PPP6R3: variants seen among roughly 807,000 people sequenced by gnomAD.
PPP6R3 encodes serine/threonine-protein phosphatase 6 regulatory subunit 3.
A neutral mutation model predicts 110.7 loss-of-function variants in PPP6R3; 38 were observed. The observed-to-expected ratio is 0.34, with a 90% CI of 0.26 to 0.45. PPP6R3 has a LOEUF of 0.45. Among genes scored for constraint, PPP6R3 ranks in the 20% least tolerant of loss-of-function variants. PPP6R3 has a pLI of 1.00. For synonymous variants in PPP6R3, 369 were observed against 373.5 expected, an observed-to-expected ratio of 0.99 and a Z score of 0.14; for missense variants, 870 against 1,062.4, an observed-to-expected ratio of 0.82 and a Z score of 2.52.
In PPP6R3 at chr11:68,516,815, A is replaced by G. The variant is rs565593636; in HGVS notation, c.-157-2686A>G. 3.3e-5 allele frequency among the ~76,000 whole-genome samples: 5 copies of G among 152,140 alleles called. No individual in the cohort carries two copies. In the South Asian group the frequency reaches 6.2e-4, roughly 19 times the overall value. ...GCTGTACCATTTTGCATTCCCACCA[A>G]TAGTGCGCAAGAGTTCCAGTTTCTC... On this transcript the variant is annotated intron_variant, in intron 1 of 23. Transcript: ENST00000393800.
rs141292498 is a variant in PPP6R3, at chr11:68,569,761, A to G, written c.1142A>G (p.Lys381Arg). The part of the protein sequence containing the change: ...SIGVILNMFF[K>R]YTWNNFLHTQ... Reference sequence around the variant, plus strand: ...TCTTTTTTGTAGAACATGTTCTTCAAGTATACATGGAATAACTTTTTGCAT... The same window carrying G: ...TCTTTTTTGTAGAACATGTTCTTCAGGTATACATGGAATAACTTTTTGCAT... Residue 381 changes from lysine (K) to arginine (R), a missense_variant, in exon 11 of 24, where the codon AAG becomes AGG. Physicochemically the swap from Lys to Arg is conservative, Grantham distance 26. Coordinates refer to ENST00000393800, the MANE Select transcript of PPP6R3 (RefSeq NM_001164161.2). The G allele has an allele frequency of 5.0e-6, 8 of 1,590,868 alleles. No individual in the cohort carries two copies. The highest frequency in any genetic ancestry group is 2.3e-5 in the East Asian group (1 of 44,348).
chr11:68,594,321 A>AG (rs2099605793), intron 18 of PPP6R3, among the ~76,000 whole-genome samples: 2 of 138,984 alleles, frequency 1.4e-5, no homozygotes, highest in African/African-American at 5.7e-5. Context: ...AGAGAGAGAA[A>AG]AAGAGAGAGA....
At chr11:68,583,196 A>C in intron 15 of PPP6R3, 67 bp downstream of exon 15, 2 of 1,212,890 alleles carry the variant, frequency 1.6e-6, no homozygotes, top group Non-Finnish European at 2.3e-6. Flanking sequence ...GCCTTTTATG[A>C]ATCAGCTTCA....
chr11:68,494,102 CAA>C (rs11369178), intron 1 of PPP6R3, among the ~76,000 whole-genome samples: 2 of 118,356 alleles, frequency 1.7e-5, no homozygotes, highest in Non-Finnish European at 1.7e-5. Context: ...GACTCCATCT[CAA>C]AAAAAAAAAA....
intron 12 of PPP6R3, 92 bp downstream of exon 12, chr11:68,571,196 T>C (rs1366557293): frequency 6.9e-7 from 1 of 1,448,292 alleles, no homozygotes; most frequent in Non-Finnish European, 9.2e-7. Context: ...AAAATGGAAA[T>C]AATTACATGA....
intron 14 of PPP6R3, 55 bp from the exon 15 acceptor site, chr11:68,582,988 C>G (rs971325150): frequency 2.5e-6 from 3 of 1,199,502 alleles, no homozygotes; most frequent in African/African-American, 3.2e-5. Flanking sequence ...AATGCTGATA[C>G]AAATGTCCAA....
At chr11:68,543,312 A>G (rs2099329107) in intron 3 of PPP6R3, among the ~76,000 whole-genome samples, 1 of 152,028 alleles carries the variant, frequency 6.6e-6, no homozygotes, top group South Asian at 2.1e-4. Context: ...GGTACTTTAC[A>G]GGGGTTTATA....
chr11:68,612,735 T>G (rs1944213718), intron 23 of PPP6R3, among the ~76,000 whole-genome samples: 1 of 152,166 alleles, frequency 6.6e-6, no homozygotes, highest in Non-Finnish European at 1.5e-5. Context: ...ACATAGCTCC[T>G]GAAGGCTCTG....
rs757900531 is a variant in PPP6R3 at position 68,601,875 on chromosome 11, T to C, written c.2205T>C (p.Ser735=). The C allele has an allele frequency of 7.4e-6, 12 of 1,613,104 alleles. No individual in the cohort carries two copies. In the East Asian group the frequency reaches 1.1e-4, roughly 15 times the overall value. Residue 735 remains serine (S), a synonymous_variant, in exon 21 of 24, where the codon TCT becomes TCC. Transcript: ENST00000393800. ...TCTTTTTTGAAAGCACAAAAGATTCTTTAAGGAGTAATTCTCCAGTGGAAA... is the reference window on the plus strand; with the variant it reads ...TCTTTTTTGAAAGCACAAAAGATTCCTTAAGGAGTAATTCTCCAGTGGAAA... The part of the protein sequence containing the change: ...EFTSSLSTKD[S]LRSNSPVEME...
intron 8 of PPP6R3, among the ~76,000 whole-genome samples, chr11:68,562,380 G>A (rs1593186259): frequency 6.6e-6 from 1 of 152,196 alleles, no homozygotes; most frequent in Non-Finnish European, 1.5e-5. Context: ...AAATGGACCT[G>A]CAGATTCAAT....
intron 3 of PPP6R3, among the ~76,000 whole-genome samples, chr11:68,541,659 G>A (rs894488962): frequency 1.3e-5 from 2 of 152,164 alleles, no homozygotes; most frequent in Non-Finnish European, 2.9e-5. Flanking sequence ...CCACAAGGCT[G>A]AATGAGATCG....
intron 12 of PPP6R3, among the ~76,000 whole-genome samples, chr11:68,572,441 T>G (rs2099511074): frequency 6.6e-6 from 1 of 152,202 alleles, no homozygotes; most frequent in Admixed American, 6.5e-5. Context: ...GGGCCTTTGT[T>G]TTCTTTCACT....
At chr11:68,542,876 G>T (rs923330948) in intron 3 of PPP6R3, among the ~76,000 whole-genome samples, 5 of 152,130 alleles carry the variant, frequency 3.3e-5, no homozygotes, top group Admixed American at 1.3e-4. Flanking sequence ...GACTTTCTCT[G>T]TCAGAGTTTG....
chr11:68,540,249 G>A (rs983555216), intron 3 of PPP6R3, among the ~76,000 whole-genome samples: 3 of 152,122 alleles, frequency 2.0e-5, no homozygotes, highest in Non-Finnish European at 4.4e-5. Flanking sequence ...AGCGTCAGTC[G>A]GCTTGAGAAA....
intron 1 of PPP6R3, among the ~76,000 whole-genome samples, chr11:68,465,455 G>A (rs997496928): frequency 6.6e-6 from 1 of 152,184 alleles, no homozygotes; most frequent in Non-Finnish European, 1.5e-5. Flanking sequence ...CTAGTTTATG[G>A]AATGGAAGAA....
intron 1 of PPP6R3, 125 bp downstream of exon 1, chr11:68,460,952 C>T (rs1565157100): frequency 6.6e-6 from 1 of 151,806 alleles, no homozygotes; most frequent in Non-Finnish European, 1.5e-5. Flanking sequence ...GCCCCTCTCC[C>T]CTCCCCCCCC....
intron 4 of PPP6R3, among the ~76,000 whole-genome samples, chr11:68,547,163 A>G (rs996670613): frequency 6.6e-6 from 1 of 152,178 alleles, no homozygotes; most frequent in Admixed American, 6.5e-5. Flanking sequence ...AATCCCAGGC[A>G]GCCACCTTTT....
intron 7 of PPP6R3, among the ~76,000 whole-genome samples, chr11:68,554,923 T>C (rs190096136): frequency 6.6e-6 from 1 of 152,352 alleles, no homozygotes; most frequent in Non-Finnish European, 1.5e-5. Flanking sequence ...TCTATTGTTG[T>C]TTTTAATGCT....
intron 1 of PPP6R3, among the ~76,000 whole-genome samples, chr11:68,473,870 A>G (rs896117042): frequency 2.6e-5 from 4 of 152,118 alleles, no homozygotes; most frequent in Non-Finnish European, 4.4e-5. Flanking sequence ...ATATTTGCAT[A>G]CAAGTCTTTG....
Sources: gnomAD v4.1 joint callset for allele counts (sites outside exome capture counted in the v4.1 genomes callset) on GRCh38, gnomAD v4.1.1 for gene constraint, MANE v1.5 for transcripts, NCBI Gene and HGNC (gene_info 2026-07-23, HGNC 2026-07-21) for gene names.